The following SCYL2 variants were observed in gnomAD, a reference collection of about 807,000 sequenced individuals.
SCYL2 encodes the protein SCY1-like protein 2.
In SCYL2, 36 loss-of-function variants were observed where a neutral mutation model predicts 100.4. That is an observed-to-expected ratio of 0.36 (90% confidence interval 0.27 to 0.47). SCYL2 has a LOEUF of 0.47. SCYL2 is among the 20% of genes least tolerant of loss of function. SCYL2 has a pLI of 1.00. For synonymous variants in SCYL2, 330 were observed against 359.2 expected (o/e 0.92, Z 0.92); for missense variants, 902 against 1,083.9 (o/e 0.83, Z 2.36).
chr12:100,309,546 T>G (rs1484907373), intron 4 of SCYL2, among the ~76,000 whole-genome samples: 1 of 152,228 alleles, frequency 6.6e-6, no homozygotes, highest in East Asian at 1.9e-4. Context: ...TGTTGTAGCA[T>G]TTGTTGGAAT....
chr12:100,300,794 C>T (rs1021956749), intron 4 of SCYL2, among the ~76,000 whole-genome samples: 5 of 152,052 alleles, frequency 3.3e-5, no homozygotes, highest in Admixed American at 1.3e-4. Flanking sequence ...ATAATGACAC[C>T]CAGTTCCATC....
chr12:100,269,279 T>A (rs1001661759), intron 1 of SCYL2, among the ~76,000 whole-genome samples: 1 of 152,064 alleles, frequency 6.6e-6, no homozygotes, highest in African/African-American at 2.4e-5. Flanking sequence ...GCTTCAAGTA[T>A]GTGGCTTTGG....
chr12:100,281,958 A>G (rs2096299046), intron 1 of SCYL2, among the ~76,000 whole-genome samples: 1 of 152,182 alleles, frequency 6.6e-6, no homozygotes, highest in Non-Finnish European at 1.5e-5. Flanking sequence ...AGGGGTGGAA[A>G]AAGAAAAAAT....
At position 100,332,008 on chromosome 12, in the gene SCYL2, A is replaced by G. The variant is rs1473281224; in HGVS notation, c.1762-2158A>G. Among the ~76,000 whole-genome samples the G allele has an allele frequency of 5.3e-5, 8 of 152,186 alleles. No homozygotes were observed. In the East Asian group the frequency reaches 1.2e-3, roughly 22 times the overall value. ...AGTAGGAGGACTCAGGACTCAGCATATAGTTATGCCCAGGCTGTGCTCTAC... is the reference window on the plus strand; with the variant it reads ...AGTAGGAGGACTCAGGACTCAGCATGTAGTTATGCCCAGGCTGTGCTCTAC... On this transcript the variant is annotated intron_variant, in intron 13 of 17. Coordinates refer to ENST00000360820, the MANE Select transcript of SCYL2 (RefSeq NM_017988.6).
intron 6 of SCYL2, among the ~76,000 whole-genome samples, 194 bp from the exon 7 acceptor site, chr12:100,313,228 T>A (rs1478673297): frequency 6.6e-6 from 1 of 152,232 alleles, no homozygotes; most frequent in Non-Finnish European, 1.5e-5. Flanking sequence ...TGGAACATTT[T>A]ACTGTAGGAA....
chr12:100,324,206 A>G (rs534558363), intron 11 of SCYL2, among the ~76,000 whole-genome samples: 1 of 152,294 alleles, frequency 6.6e-6, no homozygotes, highest in Non-Finnish European at 1.5e-5. Context: ...TAGTCAAGGA[A>G]GGTAGAATTA....
chr12:100,315,771 T>G (rs745440995), intron 9 of SCYL2, 37 bp downstream of exon 9: 1 of 1,326,736 alleles, frequency 7.5e-7, no homozygotes, highest in Non-Finnish European at 1.0e-6. Flanking sequence ...TATCTACTGT[T>G]ATTTATGATT....
chr12:100,293,872 A>G (rs2096313593), intron 3 of SCYL2, among the ~76,000 whole-genome samples: 1 of 152,176 alleles, frequency 6.6e-6, no homozygotes, highest in Non-Finnish European at 1.5e-5. Flanking sequence ...CGGGATCCCA[A>G]GGCAGAAGAA....
At chr12:100,281,935 A>G (rs966894699) in intron 1 of SCYL2, among the ~76,000 whole-genome samples, 9 of 152,222 alleles carry the variant, frequency 5.9e-5, no homozygotes, top group Admixed American at 5.9e-4. Context: ...TGAAGTGATC[A>G]ACACCTGTGA....
chr12:100,331,495 T>C (rs1244542666), intron 13 of SCYL2, among the ~76,000 whole-genome samples: 1 of 152,044 alleles, frequency 6.6e-6, no homozygotes, highest in African/African-American at 2.4e-5. Context: ...TAGTCCCAGC[T>C]ACCAGAGGGA....
chr12:100,290,470 G>A (rs2096309280), intron 2 of SCYL2, among the ~76,000 whole-genome samples: 1 of 152,102 alleles, frequency 6.6e-6, no homozygotes, highest in Admixed American at 6.5e-5. Flanking sequence ...TTATTGGATT[G>A]GACTTTTTGC....
Position 100,339,222 on chromosome 12 carries a change from A to G in SCYL2, c.*50A>G, listed in dbSNP as rs774290165. 8 of 1,544,950 alleles carry G rather than the reference A, an allele frequency of 5.2e-6. No individual in the cohort carries two copies. In the South Asian group the frequency reaches 8.5e-5, roughly 16 times the overall value. On this transcript the variant is annotated 3_prime_UTR_variant, in exon 18 of 18. Transcript: ENST00000360820. ...ATTATTTCAGTTTCAATCATGGGTG[A>G]GCTGATTTACATCTTTATATAGTTG...
At chr12:100,299,365 G>A (rs1035638976) in intron 4 of SCYL2, among the ~76,000 whole-genome samples, 3 of 151,962 alleles carry the variant, frequency 2.0e-5, no homozygotes, top group Non-Finnish European at 4.4e-5. Context: ...GATATAATTG[G>A]CATACAGTAA....
chr12:100,279,345 A>G (rs908299727), intron 1 of SCYL2, among the ~76,000 whole-genome samples: 1 of 152,206 alleles, frequency 6.6e-6, no homozygotes, highest in Admixed American at 6.5e-5. Context: ...TTAGGCAGTA[A>G]TGCTTGCTCG....
chr12:100,310,442 T>A (rs1298005907), intron 4 of SCYL2, among the ~76,000 whole-genome samples: 1 of 152,208 alleles, frequency 6.6e-6, no homozygotes, highest in African/African-American at 2.4e-5. Context: ...TTCTTTGGAA[T>A]GTATGTTCAA....
chr12:100,312,732 G>A, intron 6 of SCYL2, 79 bp downstream of exon 6: 1 of 978,542 alleles, frequency 1.0e-6, no homozygotes, highest in South Asian at 1.5e-5. Flanking sequence ...ATGTGTTCAG[G>A]AAATTCTTTA....
intron 9 of SCYL2, 144 bp from the exon 10 acceptor site, chr12:100,317,658 GT>G: frequency 1.4e-6 from 2 of 1,407,734 alleles, no homozygotes. Context: ...TGATTTGTGT[GT>G]TTTTGTCTTC....
At chr12:100,325,928 A>G (rs993357904) in intron 11 of SCYL2, among the ~76,000 whole-genome samples, 5 of 152,028 alleles carry the variant, frequency 3.3e-5, no homozygotes, top group African/African-American at 4.8e-5. Flanking sequence ...CTGTAGAACT[A>G]TGGTGCTTTA....
At chr12:100,274,822 T>C (rs904012935) in intron 1 of SCYL2, among the ~76,000 whole-genome samples, 2 of 152,246 alleles carry the variant, frequency 1.3e-5, no homozygotes, top group Non-Finnish European at 2.9e-5. Context: ...TGGAGAGCGA[T>C]AGGGCTTTAA....
Sources: allele counts gnomAD v4.1 joint callset (sites outside exome capture counted in the v4.1 genomes callset), GRCh38; gene constraint gnomAD v4.1.1; transcripts MANE v1.5; gene names NCBI Gene and HGNC (gene_info 2026-07-23, HGNC 2026-07-21).